Variants in SPAG16 observed in about 807,000 individuals in gnomAD.
The protein encoded by SPAG16 is sperm-associated antigen 16 protein.
In SPAG16, 86 loss-of-function variants were observed where a neutral mutation model predicts 80.4. The ratio of observed to expected loss-of-function variants is 1.07; its 90% confidence interval spans 0.90 to 1.28. The LOEUF (loss-of-function observed/expected upper bound fraction) is 1.28. Among genes scored for constraint, SPAG16 ranks in the 50% most tolerant of loss-of-function variants. The pLI is 0.00. For missense variants in SPAG16, 870 were observed against 765.3 expected (o/e 1.14, Z -1.61); for synonymous variants, 294 against 265.9 (o/e 1.11, Z -1.03).
chr2:214,066,923 G>A (rs2050558331), intron 13 of SPAG16, among the ~76,000 whole-genome samples: 1 of 152,088 alleles, frequency 6.6e-6, no homozygotes, highest in Admixed American at 6.6e-5. Context: ...CATTGCAAAG[G>A]AGTGATTTTG....
chr2:213,357,314 TA>T (rs761254754), intron 7 of SPAG16, among the ~76,000 whole-genome samples: 11 of 152,184 alleles, frequency 7.2e-5, no homozygotes, highest in Non-Finnish European at 1.3e-4. Flanking sequence ...ATATCCTTGT[TA>T]ACCTTCTGTC....
chr2:213,999,936 T>C (rs987956059), intron 12 of SPAG16, among the ~76,000 whole-genome samples: 3 of 151,758 alleles, frequency 2.0e-5, no homozygotes, highest in Non-Finnish European at 2.9e-5. Flanking sequence ...GTACCCCTAT[T>C]GTATCTAGGA....
At chr2:214,335,978 C>T (rs950190897) in intron 15 of SPAG16, among the ~76,000 whole-genome samples, 7 of 151,896 alleles carry the variant, frequency 4.6e-5, no homozygotes, top group African/African-American at 1.2e-4. Context: ...AGGATGGTCT[C>T]GATCTCTTGA....
chr2:213,723,708 G>C (rs1374717319), intron 10 of SPAG16, among the ~76,000 whole-genome samples: 1 of 152,152 alleles, frequency 6.6e-6, no homozygotes, highest in Non-Finnish European at 1.5e-5. Context: ...GAGATTTTTA[G>C]GTTATGAAAC....
At chr2:213,647,990 C>A (rs2125136078) in intron 10 of SPAG16, among the ~76,000 whole-genome samples, 1 of 152,186 alleles carries the variant, frequency 6.6e-6, no homozygotes, top group African/African-American at 2.4e-5. Context: ...TTGCTATTTT[C>A]CCAGAAATGT....
intron 10 of SPAG16, among the ~76,000 whole-genome samples, chr2:213,721,306 C>T (rs2066523903): frequency 2.0e-5 from 3 of 151,508 alleles, no homozygotes; most frequent in Non-Finnish European, 4.4e-5. Context: ...ACCATGTTGG[C>T]GAGGCTCGTC....
chr2:213,989,948 T>A (rs1204442298), intron 12 of SPAG16, among the ~76,000 whole-genome samples: 1 of 152,068 alleles, frequency 6.6e-6, no homozygotes, highest in Non-Finnish European at 1.5e-5. Context: ...AAATAAAAAT[T>A]GCCTTGATTT....
chr2:214,076,757 A>C (rs1388622243), intron 13 of SPAG16, among the ~76,000 whole-genome samples: 2 of 152,172 alleles, frequency 1.3e-5, no homozygotes, highest in Non-Finnish European at 2.9e-5. Flanking sequence ...ATGAGTTCAT[A>C]GTTTGCTTTT....
intron 15 of SPAG16, among the ~76,000 whole-genome samples, chr2:214,310,171 T>C (rs1043359169): frequency 2.0e-5 from 3 of 151,982 alleles, no homozygotes; most frequent in African/African-American, 7.2e-5. Flanking sequence ...CTTTCTTTTT[T>C]TTTTTTTGAA....
At chr2:213,849,735 T>C (rs1358142136) in intron 10 of SPAG16, among the ~76,000 whole-genome samples, 2 of 152,144 alleles carry the variant, frequency 1.3e-5, no homozygotes, top group East Asian at 1.9e-4. Flanking sequence ...CATGTTAAAG[T>C]CCTTACCATA....
At chr2:214,317,582 G>T (rs1695778718) in intron 15 of SPAG16, among the ~76,000 whole-genome samples, 1 of 152,150 alleles carries the variant, frequency 6.6e-6, no homozygotes, top group Non-Finnish European at 1.5e-5. Flanking sequence ...TGTAAAAAAT[G>T]GAAGCTTTAT....
intron 10 of SPAG16, among the ~76,000 whole-genome samples, chr2:213,817,260 T>C (rs912135834): frequency 1.4e-5 from 2 of 147,336 alleles, no homozygotes; most frequent in African/African-American, 4.9e-5. Flanking sequence ...ATATATGATA[T>C]ATATATATAT....
chr2:213,991,101 C>G (rs2046258213), intron 12 of SPAG16, among the ~76,000 whole-genome samples: 2 of 151,914 alleles, frequency 1.3e-5, no homozygotes, highest in Admixed American at 1.3e-4. Context: ...GTTTGCTCAC[C>G]CATCAACCCA....
chr2:214,182,579 A>G lies in SPAG16; in HGVS notation c.1720+33313A>G, dbSNP rs2057342140. On this transcript the variant is annotated intron_variant, in intron 15 of 15. Transcript: ENST00000331683. ...GACTGCAAATCTTTAAGTCAAAGTT[A>G]GTTGCTTTTTGTTTCTTTGTTTACC... Among the ~76,000 whole-genome samples the G allele has an allele frequency of 1.3e-5, 2 of 151,928 alleles. 1 individual carries two copies. Among genetic ancestry groups the G allele is most frequent in the Admixed American group, 1.3e-4 (2 of 15,182 alleles).
At chr2:213,927,114 C>T (rs141552119) in intron 11 of SPAG16, among the ~76,000 whole-genome samples, 8 of 152,282 alleles carry the variant, frequency 5.3e-5, no homozygotes, top group Non-Finnish European at 1.0e-4. Flanking sequence ...ATGCAGGGAG[C>T]GAGTTAACTC....
chr2:213,558,278 TTATAA>T (rs2059492714), intron 10 of SPAG16, among the ~76,000 whole-genome samples: 1 of 152,062 alleles, frequency 6.6e-6, no homozygotes, highest in Non-Finnish European at 1.5e-5. Flanking sequence ...GATGAACTCA[TTATAA>T]TATATTTAAG....
intron 9 of SPAG16, among the ~76,000 whole-genome samples, chr2:213,424,045 C>A (rs1200751307): frequency 2.0e-5 from 3 of 152,110 alleles, no homozygotes; most frequent in Non-Finnish European, 4.4e-5. Flanking sequence ...CCATGACAAA[C>A]TTAATTTCCT....
At chr2:214,219,497 G>T (rs967985102) in intron 15 of SPAG16, among the ~76,000 whole-genome samples, 4 of 151,934 alleles carry the variant, frequency 2.6e-5, no homozygotes, top group African/African-American at 9.7e-5. Context: ...TGAAATATTT[G>T]CCTCACATAT....
At chr2:213,605,707 T>C (rs1237989020) in intron 10 of SPAG16, among the ~76,000 whole-genome samples, 1 of 152,124 alleles carries the variant, frequency 6.6e-6, no homozygotes, top group Non-Finnish European at 1.5e-5. Context: ...GCCAGGATGG[T>C]CTGCATCTCC....
Sources: allele counts gnomAD v4.1 joint callset (sites outside exome capture counted in the v4.1 genomes callset), GRCh38; gene constraint gnomAD v4.1.1; transcripts MANE v1.5; gene names NCBI Gene and HGNC (gene_info 2026-07-23, HGNC 2026-07-21).